IRAG1: variants seen among roughly 807,000 people sequenced by gnomAD.
IRAG1 encodes the protein inositol 1,4,5-triphosphate receptor associated 1.
Under a neutral mutation model 106.2 loss-of-function variants are expected in IRAG1, and 62 were observed. That is an observed-to-expected ratio of 0.58 (90% CI 0.48 to 0.72). IRAG1 has a LOEUF of 0.72. Ranked by LOEUF, IRAG1 falls within the 30% of genes least tolerant of loss-of-function variation. The pLI is 0.00. For synonymous variants in IRAG1, 462 were observed against 443.9 expected (o/e 1.04, Z -0.51); for missense variants, 1,064 against 1,140.7 (o/e 0.93, Z 0.97).
At position 10,657,411 on chromosome 11, in the gene IRAG1, G is replaced by A. The variant is rs1459905342; in HGVS notation, c.68-5229C>T. On this transcript the variant is annotated intron_variant, in intron 1 of 20. Transcript: ENST00000423302. The surrounding 1 kb of genome is among the most constrained non-coding windows in gnomAD (Gnocchi z 4.1). ...CATGGCGCCAAAGATGCCTCTCCCA[G>A]AGCCTTGCAACCTGCCTAGGAGAGA... 1.3e-5 allele frequency among the ~76,000 whole-genome samples: 2 copies of A among 152,110 alleles called. No homozygotes were observed. Among genetic ancestry groups the A allele is most frequent in the Non-Finnish European group, 2.9e-5 (2 of 68,022 alleles).
At chr11:10,584,925 G>A (rs1195402338) in intron 18 of IRAG1, among the ~76,000 whole-genome samples, 1 of 151,932 alleles carries the variant, frequency 6.6e-6, no homozygotes, top group Admixed American at 6.6e-5. Flanking sequence ...GTACATTTTG[G>A]GAGCAATCTG....
intron 10 of IRAG1, among the ~76,000 whole-genome samples, chr11:10,618,534 C>T (rs544672883): frequency 6.6e-6 from 1 of 152,176 alleles, no homozygotes; most frequent in Non-Finnish European, 1.5e-5. Flanking sequence ...AGAGATTAAT[C>T]AGAGAAACAT....
In IRAG1 at chr11:10,643,176, C is replaced by CA. The variant is rs10679269; in HGVS notation, c.225+8848dup. The stretch of plus-strand genomic sequence containing the variant: ...TGGGCGACAGAGTGAGACTCCGTCT[C>CA]AAAAAAAAAAAAAAAAAAAAAAAGG... On this transcript the variant is annotated intron_variant, in intron 2 of 20. Transcript: ENST00000423302. 1.0e-2 allele frequency among the ~76,000 whole-genome samples: 596 copies of CA among 59,736 alleles called. 22 individuals carry two copies. The highest frequency in any genetic ancestry group is 0.03 in the African/African-American group (407 of 13,474). The allele number at this position is 59,736 out of a possible 152,430, so 39.2% of individuals were successfully genotyped here. A position where few individuals can be genotyped will look rare whatever the true frequency, so the allele number is the denominator to read the frequency against.
chr11:10,582,664 C>T (rs182432276), intron 18 of IRAG1, among the ~76,000 whole-genome samples: 1 of 152,208 alleles, frequency 6.6e-6, no homozygotes, highest in Non-Finnish European at 1.5e-5. Flanking sequence ...GTATTAATAG[C>T]AGAGGAGAGG....
chr11:10,604,266 G>T, intron 13 of IRAG1, 139 bp downstream of exon 13: 1 of 1,127,494 alleles, frequency 8.9e-7, no homozygotes, highest in Non-Finnish European at 1.3e-6. Flanking sequence ...CCAACTCTCT[G>T]AGGAACACTG....
At chr11:10,643,655 A>G (rs978142500) in intron 2 of IRAG1, among the ~76,000 whole-genome samples, 3 of 152,214 alleles carry the variant, frequency 2.0e-5, no homozygotes, top group African/African-American at 7.2e-5. Context: ...CTTTTAATGC[A>G]GTCATTTAGT....
intron 1 of IRAG1, among the ~76,000 whole-genome samples, chr11:10,682,951 G>A (rs948927837): frequency 2.6e-5 from 4 of 152,182 alleles, no homozygotes; most frequent in Non-Finnish European, 5.9e-5. Flanking sequence ...GGAGCTTCTG[G>A]AACCTAGTCA....
At chr11:10,595,086 G>A (rs1389050371) in intron 15 of IRAG1, among the ~76,000 whole-genome samples, 1 of 152,012 alleles carries the variant, frequency 6.6e-6, no homozygotes, top group Non-Finnish European at 1.5e-5. Flanking sequence ...CACCACACCT[G>A]GTTAATTTTT....
intron 17 of IRAG1, 122 bp from the exon 18 acceptor site, chr11:10,591,734 C>T (rs1489317329): frequency 1.1e-6 from 1 of 880,508 alleles, no homozygotes; most frequent in African/African-American, 1.7e-5. Context: ...TCCATGCCCC[C>T]ACTTTCCAAT....
chr11:10,596,378 A>G (rs1481723931), intron 15 of IRAG1, among the ~76,000 whole-genome samples: 2 of 152,130 alleles, frequency 1.3e-5, no homozygotes, highest in African/African-American at 4.8e-5. Context: ...GGCTTCTTCT[A>G]TTATTGCCAT....
At chr11:10,579,491 T>G (rs1022064537) in intron 20 of IRAG1, among the ~76,000 whole-genome samples, 1 of 152,204 alleles carries the variant, frequency 6.6e-6, no homozygotes, top group Non-Finnish European at 1.5e-5. Context: ...TTACTACATT[T>G]TAAAAAATCA....
At chr11:10,669,032 G>A (rs964372573) in intron 1 of IRAG1, among the ~76,000 whole-genome samples, 8 of 152,148 alleles carry the variant, frequency 5.3e-5, no homozygotes, top group Admixed American at 1.3e-4. Context: ...GTCCTTCAAA[G>A]GTTAGTATAT....
intron 1 of IRAG1, chr11:10,658,693 C>G (rs2134985870): frequency 5.1e-6 from 1 of 196,982 alleles, no homozygotes; most frequent in Non-Finnish European, 1.0e-5. Flanking sequence ...GTGGTCAGTC[C>G]CAGGTCTGTG....
chr11:10,583,893 A>C (rs1851652603), intron 18 of IRAG1, among the ~76,000 whole-genome samples: 1 of 152,124 alleles, frequency 6.6e-6, no homozygotes, highest in Non-Finnish European at 1.5e-5. Context: ...AGTGGAAGGC[A>C]AGGTCATCTG....
intron 10 of IRAG1, chr11:10,617,071 C>T (rs935341092): frequency 1.8e-5 from 18 of 985,228 alleles, no homozygotes; most frequent in Non-Finnish European, 6.0e-6. Flanking sequence ...CTCTTTCCTG[C>T]CCAAGACCTG....
rs758575849 is a variant in IRAG1 at position 10,652,127 on chromosome 11, C to T, written c.123G>A (p.Pro41=). ...CCTGCTGGGAGTGGCCACGTGTGCC[C>T]GGAACCTCCGCTGCGTCAGCCCCAA... ...SIFGADAAEV[P]GTRGHSQQEA... Residue 41 remains proline (P), a synonymous_variant, in exon 2 of 21, where the codon CCG becomes CCA. Transcript: ENST00000423302. The T allele has an allele frequency of 1.2e-5, 19 of 1,612,114 alleles. No homozygotes were observed. The highest frequency in any genetic ancestry group is 5.5e-5 in the South Asian group (5 of 90,678).
chr11:10,599,050 C>T (rs958247201), intron 15 of IRAG1, among the ~76,000 whole-genome samples: 1 of 152,180 alleles, frequency 6.6e-6, no homozygotes, highest in East Asian at 1.9e-4. Flanking sequence ...CTTGGAAGAA[C>T]AACTGGAGTG....
At position 10,628,175 on chromosome 11, in the gene IRAG1, G is replaced by T; in HGVS notation, c.653-150C>A. 2 of 812,972 alleles carry T rather than the reference G, an allele frequency of 2.5e-6. No individual in the cohort carries two copies. The highest frequency in any genetic ancestry group is 2.9e-5 in the South Asian group (2 of 68,706). 50.4% of individuals were successfully genotyped at this position (812,972 alleles called of 1,614,324 possible). ...TACCTCCCGTGTGCCAGGTTCTCAG[G>T]TGGGCCCTCACAGAATGTTCACAGA... On this transcript the variant is annotated intron_variant, in intron 6 of 20. Coordinates refer to ENST00000423302, the MANE Select transcript of IRAG1 (RefSeq NM_130385.4). This position sits in a 1 kb window ranked among gnomAD's most constrained non-coding sequence, Gnocchi z 4.1.
intron 1 of IRAG1, among the ~76,000 whole-genome samples, chr11:10,683,422 A>G (rs989007128): frequency 6.6e-6 from 1 of 152,140 alleles, no homozygotes; most frequent in African/African-American, 2.4e-5. Flanking sequence ...GTAATTCTCA[A>G]AAAAAAATTT....
Sources: allele counts gnomAD v4.1 joint callset (sites outside exome capture counted in the v4.1 genomes callset), GRCh38; gene constraint gnomAD v4.1.1; non-coding constraint Gnocchi (gnomAD v3.1); transcripts MANE v1.5; gene names NCBI Gene and HGNC (gene_info 2026-07-23, HGNC 2026-07-21).